CSGALNACT1: variants seen among roughly 807,000 people sequenced by gnomAD.
CSGALNACT1 encodes the protein chondroitin sulfate N-acetylgalactosaminyltransferase 1.
Under a neutral mutation model 51.0 loss-of-function variants are expected in CSGALNACT1, and 52 were observed. The observed-to-expected ratio is 1.02, with a 90% CI of 0.82 to 1.29. The LOEUF is 1.29. Among genes scored for constraint, CSGALNACT1 ranks in the 50% most tolerant of loss-of-function variants. The probability of loss-of-function intolerance (pLI) is 0.00; values close to 1 mark genes in which losing one functional copy is unlikely to be tolerated. For missense variants in CSGALNACT1, 935 were observed against 679.2 expected, an observed-to-expected ratio of 1.38 and a Z score of -4.19; for synonymous variants, 341 against 254.4, an observed-to-expected ratio of 1.34 and a Z score of -3.24.
chr8:19,443,803 C>A (rs1359030112), intron 5 of CSGALNACT1, among the ~76,000 whole-genome samples: 1 of 152,148 alleles, frequency 6.6e-6, no homozygotes, highest in Non-Finnish European at 1.5e-5. Flanking sequence ...TCCAGATGTT[C>A]ATGGCCCTTA....
At chr8:19,523,057 C>T (rs536213008) in intron 3 of CSGALNACT1, among the ~76,000 whole-genome samples, 2 of 152,130 alleles carry the variant, frequency 1.3e-5, no homozygotes, top group Non-Finnish European at 2.9e-5. Context: ...TGTGAAGCTG[C>T]AACAATTGCG....
intron 1 of CSGALNACT1, among the ~76,000 whole-genome samples, chr8:19,718,269 T>C (rs1028225363): frequency 1.3e-5 from 2 of 152,134 alleles, no homozygotes; most frequent in East Asian, 3.9e-4. Flanking sequence ...AATTTTTGTA[T>C]TTTTGTATTT....
intron 1 of CSGALNACT1, among the ~76,000 whole-genome samples, chr8:19,665,542 C>G (rs11992569): frequency 6.6e-6 from 1 of 151,996 alleles, no homozygotes; most frequent in Non-Finnish European, 1.5e-5. Context: ...TTGAAATCTC[C>G]CTGAGGATGA....
chr8:19,520,256 C>T (rs1171184431), intron 3 of CSGALNACT1, among the ~76,000 whole-genome samples: 1 of 152,204 alleles, frequency 6.6e-6, no homozygotes, highest in East Asian at 1.9e-4. Flanking sequence ...ACCAAGGCTT[C>T]TCTCTTTGTG....
At chr8:19,460,110 T>TACACACACACAC (rs900747263) in intron 4 of CSGALNACT1, among the ~76,000 whole-genome samples, 1 of 144,934 alleles carries the variant, frequency 6.9e-6, no homozygotes, top group African/African-American at 2.9e-5. Flanking sequence ...CACACACACA[T>TACACACACACAC]ACACACACAC....
intron 1 of CSGALNACT1, among the ~76,000 whole-genome samples, chr8:19,693,094 C>T (rs2061411996): frequency 6.6e-6 from 1 of 152,202 alleles, no homozygotes; most frequent in Admixed American, 6.5e-5. Flanking sequence ...CCTATTTGCT[C>T]TTTGACTCAT....
intron 1 of CSGALNACT1, among the ~76,000 whole-genome samples, chr8:19,673,461 C>T (rs1020286438): frequency 1.3e-5 from 2 of 152,170 alleles, no homozygotes; most frequent in African/African-American, 4.8e-5. Flanking sequence ...ATAATGAGAC[C>T]AAAGTTGCTA....
upstream of CSGALNACT1, among the ~76,000 whole-genome samples, chr8:19,606,715 C>G (rs2051424423): frequency 6.6e-6 from 1 of 151,620 alleles, no homozygotes; most frequent in Admixed American, 6.6e-5. Flanking sequence ...CCCTGCTTTT[C>G]TTCACTTCAA....
chr8:19,408,511 C>T (rs2054836592), intron 9 of CSGALNACT1, 102 bp downstream of exon 8: 4 of 463,188 alleles, frequency 8.6e-6, no homozygotes, highest in African/African-American at 2.7e-5. Context: ...GGCAATGGTA[C>T]CACCTTCCCA....
intron 1 of CSGALNACT1, among the ~76,000 whole-genome samples, chr8:19,646,564 A>G (rs2057298816): frequency 6.6e-6 from 1 of 152,202 alleles, no homozygotes; most frequent in Non-Finnish European, 1.5e-5. Flanking sequence ...ATATTGGTAT[A>G]GGCACTTTTA....
intron 3 of CSGALNACT1, among the ~76,000 whole-genome samples, chr8:19,511,681 T>A (rs1457249079): frequency 6.6e-6 from 1 of 152,154 alleles, no homozygotes; most frequent in Non-Finnish European, 1.5e-5. Context: ...TCCCACACTG[T>A]ACTGGGGTCT....
At chr8:19,658,756 ACAC>A (rs1207196670) in intron 1 of CSGALNACT1, among the ~76,000 whole-genome samples, 6 of 152,110 alleles carry the variant, frequency 3.9e-5, no homozygotes, top group Admixed American at 6.5e-5. Context: ...ACAACAAAAA[ACAC>A]CACCACCACC....
intron 1 of CSGALNACT1, among the ~76,000 whole-genome samples, chr8:19,704,541 A>T (rs1423036423): frequency 4.6e-5 from 7 of 152,172 alleles, no homozygotes; most frequent in African/African-American, 1.7e-4. Context: ...TAAAAATGGA[A>T]CTACTCTATG....
intron 1 of CSGALNACT1, among the ~76,000 whole-genome samples, chr8:19,665,800 G>A (rs1157963754): frequency 1.3e-5 from 2 of 152,126 alleles, no homozygotes; most frequent in African/African-American, 4.8e-5. Flanking sequence ...CTGGGATAAT[G>A]AATAACTAAA....
intron 8 of CSGALNACT1, among the ~76,000 whole-genome samples, chr8:19,412,970 C>A (rs996866209): frequency 6.6e-6 from 1 of 152,090 alleles, no homozygotes; most frequent in African/African-American, 2.4e-5. Flanking sequence ...GATCACCCAG[C>A]CAATGTTGCC....
intron 3 of CSGALNACT1, among the ~76,000 whole-genome samples, chr8:19,574,927 C>A (rs563158082): frequency 6.6e-6 from 1 of 151,952 alleles, no homozygotes; most frequent in East Asian, 1.9e-4. Flanking sequence ...CTCAGCTACT[C>A]GGGAGGCTGA....
chr8:19,420,666 GC>G, intron 6 of CSGALNACT1, 148 bp from the exon 6 acceptor site: 1 of 821,994 alleles, frequency 1.2e-6, no homozygotes, highest in South Asian at 1.4e-5. Context: ...TTACAGAACG[GC>G]CCAGACTCAC....
exon 10 of CSGALNACT1, chr8:19,404,419 T>C (rs750940895): frequency 4.4e-6 from 2 of 453,394 alleles, no homozygotes; most frequent in South Asian, 3.1e-5. Context: ...CACTCTATGT[T>C]AACTGTATTT....
At chr8:19,623,501 A>C (rs940742324) in intron 1 of CSGALNACT1, among the ~76,000 whole-genome samples, 1 of 152,114 alleles carries the variant, frequency 6.6e-6, no homozygotes, top group Non-Finnish European at 1.5e-5. Flanking sequence ...TACTATTAAC[A>C]CTCTTCAATA....
Sources: gnomAD v4.1 joint callset for allele counts (sites outside exome capture counted in the v4.1 genomes callset) on GRCh38, gnomAD v4.1.1 for gene constraint, MANE v1.5 for transcripts, NCBI Gene and HGNC (gene_info 2026-07-23, HGNC 2026-07-21) for gene names.